RNF111: variants seen among roughly 807,000 people sequenced by gnomAD.
RNF111 encodes ring finger protein 111.
A neutral mutation model predicts 95.1 loss-of-function variants in RNF111; 17 were observed. The ratio of observed to expected loss-of-function variants is 0.18; its 90% CI spans 0.12 to 0.27. RNF111 has a LOEUF of 0.27. Among genes scored for constraint, RNF111 ranks in the 10% least tolerant of loss-of-function variants. The pLI, the probability that RNF111 is intolerant of heterozygous loss-of-function variation, is 1.00. For missense variants in RNF111, 1,189 were observed against 1,210.4 expected, an observed-to-expected ratio of 0.98 and a Z score of 0.26; for synonymous variants, 440 against 414.8, an observed-to-expected ratio of 1.06 and a Z score of -0.74.
chr15:59,076,795 A>G (rs556606924), intron 7 of RNF111, among the ~76,000 whole-genome samples: 1 of 152,368 alleles, frequency 6.6e-6, no homozygotes, highest in East Asian at 1.9e-4. Flanking sequence ...TAACATATTT[A>G]CTATTTTGTT....
chr15:59,061,972 G>C (rs1235598067), intron 5 of RNF111, among the ~76,000 whole-genome samples: 1 of 150,636 alleles, frequency 6.6e-6, no homozygotes, highest in Non-Finnish European at 1.5e-5. Flanking sequence ...TTTCATAACT[G>C]TAAGTGTTGT....
At chr15:59,092,462 A>G in intron 12 of RNF111, 75 bp from the exon 13 acceptor site, 1 of 1,461,500 alleles carries the variant, frequency 6.8e-7, no homozygotes. Flanking sequence ...TGTTTTTCAA[A>G]TAAACACAGA....
chr15:58,990,785 T>C (rs1173116308), intron 1 of RNF111, among the ~76,000 whole-genome samples: 1 of 152,268 alleles, frequency 6.6e-6, no homozygotes, highest in Non-Finnish European at 1.5e-5. Flanking sequence ...TTATTACTCC[T>C]GGTAACATTT....
At chr15:58,996,400 CTG>C (rs1331845956) in intron 1 of RNF111, among the ~76,000 whole-genome samples, 3 of 151,716 alleles carry the variant, frequency 2.0e-5, no homozygotes, top group African/African-American at 7.3e-5. Flanking sequence ...TGATGAAACC[CTG>C]TCTCAACTGA....
chr15:59,028,519 C>T (rs143223865), intron 1 of RNF111, among the ~76,000 whole-genome samples: 2 of 152,244 alleles, frequency 1.3e-5, no homozygotes, highest in South Asian at 4.1e-4. Context: ...TGGTCTCTCT[C>T]TCATAGTGTG....
At chr15:59,083,173 C>T (rs1380603280) in intron 8 of RNF111, among the ~76,000 whole-genome samples, 1 of 151,974 alleles carries the variant, frequency 6.6e-6, no homozygotes, top group Non-Finnish European at 1.5e-5. Context: ...AAATGAATCC[C>T]TGAAACTAAG....
rs549527054 is a variant in RNF111 at position 59,079,774 on chromosome 15, T to C, written c.1949-1162T>C. On this transcript the variant is annotated intron_variant, in intron 7 of 13. Transcript: ENST00000348370. ...AACATAAAGATGTAGAATGAAGAAA[T>C]GGTAGGAGCCATCTTATTAAGGACT... Among the ~76,000 whole-genome samples the C allele has an allele frequency of 5.6e-4, 85 of 152,146 alleles. 1 individual carries two copies. The highest frequency in any genetic ancestry group is 1.9e-3 in the African/African-American group (80 of 41,506).
intron 2 of RNF111, among the ~76,000 whole-genome samples, chr15:59,047,781 G>A (rs760228902): frequency 2.6e-5 from 4 of 152,018 alleles, no homozygotes; most frequent in Non-Finnish European, 5.9e-5. Context: ...TCGCCATGTT[G>A]CCCAGGCTGG....
intron 2 of RNF111, among the ~76,000 whole-genome samples, chr15:59,035,980 T>G (rs1339729362): frequency 6.6e-6 from 1 of 152,228 alleles, no homozygotes; most frequent in African/African-American, 2.4e-5. Context: ...CTTTACAGAA[T>G]CACCCCACTC....
intron 6 of RNF111, among the ~76,000 whole-genome samples, chr15:59,074,934 G>A (rs575672214): frequency 6.6e-6 from 1 of 152,298 alleles, no homozygotes; most frequent in African/African-American, 2.4e-5. Context: ...CAATGTTGTT[G>A]TGTCTCAGGG....
chr15:59,088,296 G>A (rs1181608789), intron 10 of RNF111, among the ~76,000 whole-genome samples: 3 of 152,140 alleles, frequency 2.0e-5, no homozygotes. Context: ...AAAGAGACTA[G>A]GGAGGAGAGG....
At chr15:59,090,321 C>T (rs1294321006) in intron 11 of RNF111, among the ~76,000 whole-genome samples, 2 of 152,172 alleles carry the variant, frequency 1.3e-5, no homozygotes, top group Non-Finnish European at 2.9e-5. Flanking sequence ...CCTGCGCCTC[C>T]TGGGTTCAAG....
Position 59,076,227 on chromosome 15 carries a change from C to T in RNF111, c.1948+12C>T. ...CATGCCACCCCCTTGTAAGTATATA[C>T]TTAGTGGACACAAAATCTAGAGTCA... is the stretch of plus-strand genomic sequence containing the variant. On this transcript the variant is annotated intron_variant, in intron 7 of 13. Transcript: ENST00000348370. 6.2e-7 allele frequency: 1 copy of T among 1,605,262 alleles called. No homozygotes were observed. Among genetic ancestry groups the T allele is most frequent in the Non-Finnish European group, 8.5e-7 (1 of 1,174,062 alleles).
At position 59,081,120 on chromosome 15, in the gene RNF111, T is replaced by C. The variant is rs2078729141; in HGVS notation, c.2133T>C (p.Thr711=). The part of the protein sequence containing the change: ...TSHPVAPPPP[T]HLASTAAPIP... Reference sequence around the variant, plus strand: ...ATCCTGTGGCACCCCCACCACCAACTCACTTAGCCAGTACAGCTGCACCAA... The same window carrying C: ...ATCCTGTGGCACCCCCACCACCAACCCACTTAGCCAGTACAGCTGCACCAA... Residue 711 remains threonine, a synonymous_variant, in exon 8 of 14, where the codon ACT becomes ACC. Coordinates refer to ENST00000348370, the MANE Select transcript of RNF111 (RefSeq NM_017610.8). 6.2e-7 allele frequency: 1 copy of C among 1,613,868 alleles called. No homozygotes were observed. The highest frequency in any genetic ancestry group is 1.1e-5 in the South Asian group (1 of 91,072).
chr15:59,075,526 C>A (rs1270544890), intron 6 of RNF111, among the ~76,000 whole-genome samples: 2 of 152,080 alleles, frequency 1.3e-5, no homozygotes, highest in African/African-American at 4.8e-5. Flanking sequence ...TTTCCTAGAA[C>A]CTTAATATTT....
chr15:59,090,562 T>C (rs1175003719), intron 11 of RNF111, among the ~76,000 whole-genome samples: 1 of 152,146 alleles, frequency 6.6e-6, no homozygotes, highest in Non-Finnish European at 1.5e-5. Flanking sequence ...AGTTTGGAAG[T>C]TGGAGTCATT....
At chr15:59,013,913 C>G (rs116968583) in intron 1 of RNF111, among the ~76,000 whole-genome samples, 2,790 of 151,988 alleles carry the variant, frequency 0.018, 51 homozygotes, top group East Asian at 0.039. Context: ...CTCAGCGTCC[C>G]GAGTAGCTGG....
At chr15:59,042,702 A>G (rs1278231664) in intron 2 of RNF111, among the ~76,000 whole-genome samples, 1 of 152,142 alleles carries the variant, frequency 6.6e-6, no homozygotes, top group Non-Finnish European at 1.5e-5. Flanking sequence ...TTGACTTGAG[A>G]TATGCTACCT....
intron 1 of RNF111, among the ~76,000 whole-genome samples, chr15:59,013,163 T>G (rs1313368866): frequency 6.6e-6 from 1 of 152,202 alleles, no homozygotes; most frequent in Non-Finnish European, 1.5e-5. Context: ...AGGGGAAGTT[T>G]GTAAATAATA....
Sources: gnomAD v4.1 joint callset for allele counts (sites outside exome capture counted in the v4.1 genomes callset) on GRCh38, gnomAD v4.1.1 for gene constraint, MANE v1.5 for transcripts, NCBI Gene and HGNC (gene_info 2026-07-23, HGNC 2026-07-21) for gene names.